The following AR variants were observed in gnomAD, a reference collection of about 807,000 sequenced individuals.
AR encodes the protein androgen receptor.
Under a neutral mutation model 53.9 loss-of-function variants are expected in AR, and 8 were observed. The observed-to-expected ratio is 0.15, with a 90% CI of 0.09 to 0.27. AR has a LOEUF of 0.27. AR is among the 10% of genes least tolerant of loss of function. The pLI is 1.00. For missense variants in AR, 639 were observed against 742.5 expected, an observed-to-expected ratio of 0.86 and a Z score of 1.62; for synonymous variants, 359 against 316.4, an observed-to-expected ratio of 1.13 and a Z score of -1.43.
At chrX:67,634,498 G>A (rs1428222503) in intron 1 of AR, among the ~76,000 whole-genome samples, 1 of 111,884 alleles carries the variant, frequency 8.9e-6, no homozygotes, top group Admixed American at 9.5e-5. Context: ...AGGTCCTTCT[G>A]TTAGCAAGTG....
At chrX:67,602,946 A>G (rs1177460694) in intron 1 of AR, among the ~76,000 whole-genome samples, 2 of 112,253 alleles carry the variant, frequency 1.8e-5, no homozygotes, top group East Asian at 5.6e-4. Context: ...TTTTTACCTG[A>G]CATAATGGAA....
At chrX:67,627,089 A>G (rs1209922417) in intron 1 of AR, among the ~76,000 whole-genome samples, 1 of 109,734 alleles carries the variant, frequency 9.1e-6, no homozygotes. Context: ...CGCAATGAAC[A>G]TACGTGTGCA....
intron 1 of AR, among the ~76,000 whole-genome samples, chrX:67,613,141 G>A (rs776986152): frequency 8.9e-6 from 1 of 111,795 alleles, no homozygotes; most frequent in Admixed American, 9.5e-5. Flanking sequence ...ACTAGGAAAG[G>A]CAAATTAAGA....
At chrX:67,578,777 T>C (rs1337255951) in intron 1 of AR, among the ~76,000 whole-genome samples, 1 of 111,915 alleles carries the variant, frequency 8.9e-6, no homozygotes, top group Non-Finnish European at 1.9e-5. Flanking sequence ...GGCATGAAAT[T>C]AGTGCATAGA....
At chrX:67,669,453 T>C (rs1927432198) in intron 2 of AR, among the ~76,000 whole-genome samples, 1 of 111,725 alleles carries the variant, frequency 9.0e-6, no homozygotes, top group African/African-American at 3.2e-5. Context: ...ACTTGTTTTG[T>C]GACCTAAGAT....
intron 1 of AR, among the ~76,000 whole-genome samples, chrX:67,634,685 A>C (rs1925337702): frequency 9.0e-6 from 1 of 111,581 alleles, no homozygotes; most frequent in African/African-American, 3.3e-5. Flanking sequence ...GGTGGCAGGG[A>C]ATAAAGATGC....
intron 1 of AR, among the ~76,000 whole-genome samples, chrX:67,574,556 T>C (rs1921963868): frequency 9.0e-6 from 1 of 111,525 alleles, no homozygotes; most frequent in Non-Finnish European, 1.9e-5. Flanking sequence ...TATCTGACTT[T>C]ATGGCCTCTC....
chrX:67,657,598 A>T (rs921488867), intron 2 of AR, among the ~76,000 whole-genome samples: 1 of 112,075 alleles, frequency 8.9e-6, no homozygotes, highest in East Asian at 2.8e-4. Context: ...ACTGGAGTGC[A>T]TTGTGTCTGG....
intron 2 of AR, among the ~76,000 whole-genome samples, chrX:67,674,412 G>A (rs2075886559): frequency 1.8e-5 from 2 of 110,963 alleles, no homozygotes; most frequent in Middle Eastern, 4.7e-3. Flanking sequence ...CCTGTCTTAT[G>A]TCCTTCCCTT....
Position 67,545,991 on chromosome X carries a change from C to T in AR, c.845C>T (p.Thr282Ile), listed in dbSNP as rs755394428. 1.6e-6 allele frequency: 2 copies of T among 1,212,420 alleles called. No individual in the cohort carries two copies. The highest frequency in any genetic ancestry group is 2.2e-6 in the Non-Finnish European group (2 of 895,678). Reference sequence around the variant, plus strand: ...GGAGTTCCACCCGCTGTGCGTCCCACTCCTTGTGCCCCATTGGCCGAATGC... The same window carrying T: ...GGAGTTCCACCCGCTGTGCGTCCCATTCCTTGTGCCCCATTGGCCGAATGC... ...LLGVPPAVRP[T>I]PCAPLAECKG... Residue 282 changes from threonine to isoleucine, a missense_variant, in exon 1 of 8, where the codon ACT (threonine) becomes ATT (isoleucine). Coordinates refer to ENST00000374690, the MANE Select transcript of AR (RefSeq NM_000044.6).
At chrX:67,582,368 G>A (rs1922334518) in intron 1 of AR, among the ~76,000 whole-genome samples, 1 of 111,850 alleles carries the variant, frequency 8.9e-6, no homozygotes, top group Non-Finnish European at 1.9e-5. Context: ...TTGATCAGGA[G>A]AATTGGCATC....
At chrX:67,660,594 C>T (rs1457554477) in intron 2 of AR, among the ~76,000 whole-genome samples, 3 of 111,539 alleles carry the variant, frequency 2.7e-5, no homozygotes, top group Non-Finnish European at 5.6e-5. Flanking sequence ...GGTACCAGTA[C>T]CATGCTGTTT....
intron 1 of AR, among the ~76,000 whole-genome samples, chrX:67,580,242 G>A (rs1419997316): frequency 2.7e-5 from 3 of 109,841 alleles, no homozygotes; most frequent in African/African-American, 9.9e-5. Context: ...AAACCCTAAC[G>A]AAAAAATTTC....
Position 67,546,421 on chromosome X carries a change from G to A in AR, c.1275G>A (p.Gly425=), listed in dbSNP as rs1428844817. The change falls in exon 1 of 8, where the codon GGG becomes GGA. Residue 425 remains glycine, a synonymous_variant. Transcript: ENST00000374690. The part of the protein sequence containing the change: ...HGAGAAGPGS[G]SPSAAASSSW... ...CGGGTGCAGCGGGACCCGGTTCTGGGTCACCCTCAGCCGCCGCTTCCTCAT... is the reference window on the plus strand; with the variant it reads ...CGGGTGCAGCGGGACCCGGTTCTGGATCACCCTCAGCCGCCGCTTCCTCAT... The A allele has an allele frequency of 1.7e-6, 2 of 1,184,975 alleles. No homozygotes were observed. Among genetic ancestry groups the A allele is most frequent in the East Asian group, 6.2e-5 (2 of 32,351 alleles).
At chrX:67,723,657 G>C (rs1284374387) in intron 7 of AR, 29 bp from the exon 8 acceptor site, 2 of 1,208,733 alleles carry the variant, frequency 1.7e-6, no homozygotes, top group Non-Finnish European at 2.2e-6. Flanking sequence ...TGTCAACCCT[G>C]TTTTTCTCCC....
chrX:67,729,494 C>T lies in AR; in HGVS notation c.*5653C>T. On this transcript the variant is annotated 3_prime_UTR_variant, in exon 8 of 8. Transcript: ENST00000374690. The stretch of plus-strand genomic sequence containing the variant: ...ATAGTAAAAACAGCTTTTGACTCAG[C>T]TTTGATTTATCCTCATTTGATTTGG... 1.1e-5 allele frequency: 2 copies of T among 175,110 alleles called. No individual in the cohort carries two copies. Among genetic ancestry groups the T allele is most frequent in the Middle Eastern group, 1.8e-3 (1 of 546 alleles). The allele number at this position is 175,110 out of a possible 1,213,427, so 14.4% of individuals were successfully genotyped here. A position where few individuals can be genotyped will look rare whatever the true frequency, so the allele number is the denominator to read the frequency against.
Position 67,546,494 on chromosome X carries a change from TGTGGTGGTGGTGGGG to T in AR, c.1356_1370del (p.Gly469_Gly473del). 2 of 915,937 alleles carry T rather than the reference TGTGGTGGTGGTGGGG, an allele frequency of 2.2e-6. No individual in the cohort carries two copies. The highest frequency in any genetic ancestry group is 2.9e-6 in the Non-Finnish European group (2 of 678,442). 75.5% of individuals were successfully genotyped at this position (915,937 alleles called of 1,213,427 possible). On this transcript the variant is annotated inframe_deletion, in exon 1 of 8. Coordinates refer to ENST00000374690, the MANE Select transcript of AR (RefSeq NM_000044.6). ...CGAAGAAGGCCAGTTGTATGGACCG[TGTGGTGGTGGTGGGG>T]GTGGTGGCGGCGGCGGCGGCGGCGG...
chrX:67,636,628 A>G (rs1372803874), intron 1 of AR, among the ~76,000 whole-genome samples: 1 of 112,024 alleles, frequency 8.9e-6, no homozygotes, highest in African/African-American at 3.2e-5. Flanking sequence ...CTCCTAGTAC[A>G]TATGTGACCA....
At chrX:67,678,259 A>G (rs1223141976) in intron 2 of AR, among the ~76,000 whole-genome samples, 3 of 111,855 alleles carry the variant, frequency 2.7e-5, no homozygotes, top group African/African-American at 9.8e-5. Context: ...AACCCCAGGC[A>G]GATTACATTT....
Sources: gnomAD v4.1 joint callset for allele counts (sites outside exome capture counted in the v4.1 genomes callset) on GRCh38, gnomAD v4.1.1 for gene constraint, MANE v1.5 for transcripts, NCBI Gene and HGNC (gene_info 2026-07-23, HGNC 2026-07-21) for gene names.